Variants in GPR137C observed in about 807,000 individuals in gnomAD.
GPR137C encodes integral membrane protein GPR137C.
GPR137C carries 27 observed loss-of-function variants against 43.4 expected under a neutral mutation model. The ratio of observed to expected loss-of-function variants is 0.62; its 90% CI spans 0.46 to 0.86. The LOEUF (loss-of-function observed/expected upper bound fraction) is 0.86, where lower values mean the gene tolerates loss of function less well. GPR137C is among the 40% of genes least tolerant of loss of function. The pLI is 0.00. For missense variants in GPR137C, 522 were observed against 534.6 expected, an observed-to-expected ratio of 0.98 and a Z score of 0.23; for synonymous variants, 285 against 226.9, an observed-to-expected ratio of 1.26 and a Z score of -2.30.
chr14:52,596,215 G>A (rs1026265417), intron 1 of GPR137C, among the ~76,000 whole-genome samples: 5 of 151,536 alleles, frequency 3.3e-5, no homozygotes, highest in East Asian at 3.9e-4. Context: ...AGGGGCACCC[G>A]CCTGTATGAG....
chr14:52,558,637 G>C (rs34329312), intron 1 of GPR137C, among the ~76,000 whole-genome samples: 20,779 of 152,058 alleles, frequency 0.14, 1,497 homozygotes, highest in Non-Finnish European at 0.16. Flanking sequence ...CATGGGTTCA[G>C]AATAAAAAAT....
At chr14:52,563,045 T>C (rs2038310406) in intron 1 of GPR137C, among the ~76,000 whole-genome samples, 1 of 152,226 alleles carries the variant, frequency 6.6e-6, no homozygotes, top group Admixed American at 6.5e-5. Flanking sequence ...AGTTGTTGCC[T>C]ATGGCTCACA....
chr14:52,565,187 G>A (rs758971298), intron 1 of GPR137C, among the ~76,000 whole-genome samples: 1 of 152,140 alleles, frequency 6.6e-6, no homozygotes, highest in African/African-American at 2.4e-5. Context: ...ATAATGACGG[G>A]ATTTTCAAGT....
intron 3 of GPR137C, among the ~76,000 whole-genome samples, chr14:52,601,611 T>A (rs1305437376): frequency 1.3e-5 from 2 of 152,052 alleles, no homozygotes; most frequent in Non-Finnish European, 2.9e-5. Context: ...TCTAGTTTGC[T>A]CCTAACATTT....
At chr14:52,557,451 A>G (rs559907440) in intron 1 of GPR137C, among the ~76,000 whole-genome samples, 1 of 152,326 alleles carries the variant, frequency 6.6e-6, no homozygotes, top group East Asian at 1.9e-4. Context: ...AAATTCTACA[A>G]AATAGAAAAG....
intron 3 of GPR137C, among the ~76,000 whole-genome samples, chr14:52,628,882 T>TA (rs1204451531): frequency 6.6e-6 from 1 of 152,220 alleles, no homozygotes; most frequent in African/African-American, 2.4e-5. Context: ...ATGTTTGCGA[T>TA]ACGTATATCT....
chr14:52,603,319 TACC>T lies in GPR137C; in HGVS notation c.717+2981_717+2983del, dbSNP rs558199444. Among the ~76,000 whole-genome samples, 19 of 152,348 alleles carry T rather than the reference TACC, an allele frequency of 1.2e-4. No homozygotes were observed. The South Asian group carries it at 3.9e-3, about 32-fold the overall frequency. ...CATGTAATAGTCCATTGTATACATG[TACC>T]ACATTTTTTTATTCATTCATCTGTT... On this transcript the variant is annotated intron_variant, in intron 3 of 6. Coordinates refer to ENST00000321662, the MANE Select transcript of GPR137C (RefSeq NM_001099652.2).
intron 3 of GPR137C, among the ~76,000 whole-genome samples, chr14:52,629,909 G>A (rs545402745): frequency 1.3e-5 from 2 of 152,318 alleles, no homozygotes; most frequent in African/African-American, 4.8e-5. Context: ...CACTTATCAA[G>A]TGTGGAATTT....
intron 3 of GPR137C, among the ~76,000 whole-genome samples, chr14:52,604,429 T>C (rs527567375): frequency 6.6e-6 from 1 of 151,622 alleles, no homozygotes; most frequent in Non-Finnish European, 1.5e-5. Flanking sequence ...TTTTTGTAGA[T>C]GGTGAGAGAT....
At chr14:52,556,266 T>A (rs1448737970) in intron 1 of GPR137C, among the ~76,000 whole-genome samples, 1 of 152,162 alleles carries the variant, frequency 6.6e-6, no homozygotes, top group Non-Finnish European at 1.5e-5. Flanking sequence ...CTTTAAGGAC[T>A]TAGTTATAAA....
intron 1 of GPR137C, among the ~76,000 whole-genome samples, chr14:52,583,544 G>A (rs988398340): frequency 5.3e-5 from 8 of 152,046 alleles, no homozygotes; most frequent in East Asian, 1.9e-4. Context: ...ACCCTGTACC[G>A]ATTCTTGTCT....
At chr14:52,627,592 A>G (rs570592727) in intron 3 of GPR137C, among the ~76,000 whole-genome samples, 11 of 152,208 alleles carry the variant, frequency 7.2e-5, no homozygotes, top group Admixed American at 5.9e-4. Context: ...CACGTCTGTA[A>G]TCCCAGCACT....
chr14:52,614,373 G>A (rs1594803610), intron 3 of GPR137C, among the ~76,000 whole-genome samples: 1 of 151,880 alleles, frequency 6.6e-6, no homozygotes, highest in Non-Finnish European at 1.5e-5. Context: ...TGCCCACCTC[G>A]GCCTTCCAAA....
At chr14:52,570,803 T>C (rs1384673992) in intron 1 of GPR137C, among the ~76,000 whole-genome samples, 3 of 152,056 alleles carry the variant, frequency 2.0e-5, no homozygotes, top group African/African-American at 4.8e-5. Context: ...CCTAAATATA[T>C]ATGCACCCAA....
chr14:52,602,068 G>C lies in GPR137C; in HGVS notation c.717+1727G>C, dbSNP rs1230135249. On this transcript the variant is annotated intron_variant, in intron 3 of 6. Coordinates refer to ENST00000321662, the MANE Select transcript of GPR137C (RefSeq NM_001099652.2). Reference sequence around the variant, plus strand: ...ATGTTCAGACGTGTTCACCTATGAAGGTAGATGACATACTAGATGATTTGT... The same window carrying C: ...ATGTTCAGACGTGTTCACCTATGAACGTAGATGACATACTAGATGATTTGT... 2.0e-5 allele frequency among the ~76,000 whole-genome samples: 3 copies of C among 150,050 alleles called. No homozygotes were observed. In the East Asian group the frequency reaches 5.8e-4, roughly 29 times the overall value.
At chr14:52,610,377 C>G (rs370504240) in intron 3 of GPR137C, among the ~76,000 whole-genome samples, 3 of 152,232 alleles carry the variant, frequency 2.0e-5, no homozygotes, top group East Asian at 3.9e-4. Flanking sequence ...CTGCGGTTTC[C>G]TTTCCACGAT....
intron 3 of GPR137C, among the ~76,000 whole-genome samples, chr14:52,610,090 C>T (rs1013630538): frequency 2.6e-5 from 4 of 152,200 alleles, no homozygotes; most frequent in African/African-American, 9.6e-5. Flanking sequence ...ATTCAGGCCT[C>T]AGTCGCTTTT....
chr14:52,637,179 C>T lies in GPR137C; in HGVS notation c.*2064C>T, dbSNP rs1448322616. The T allele has an allele frequency of 1.3e-5, 2 of 152,106 alleles. No homozygotes were observed. The highest frequency in any genetic ancestry group is 6.6e-5 in the Admixed American group (1 of 15,248). 9.4% of individuals were successfully genotyped at this position (152,106 alleles called of 1,614,324 possible). A position where few individuals can be genotyped will look rare whatever the true frequency, so the allele number is the denominator to read the frequency against. Reference sequence around the variant, plus strand: ...ACTGACTAGGGTACCCAAATTCTTGCATTTGTCTCCTTATACACATCTAAC... The same window carrying T: ...ACTGACTAGGGTACCCAAATTCTTGTATTTGTCTCCTTATACACATCTAAC... On this transcript the variant is annotated 3_prime_UTR_variant, in exon 7 of 7. Coordinates refer to ENST00000321662, the MANE Select transcript of GPR137C (RefSeq NM_001099652.2).
chr14:52,570,059 T>A (rs1230208531), intron 1 of GPR137C, among the ~76,000 whole-genome samples: 3 of 152,068 alleles, frequency 2.0e-5, no homozygotes, highest in African/African-American at 7.2e-5. Flanking sequence ...TCACCAAGGT[T>A]GAAATGAAGG....
Sources: allele counts gnomAD v4.1 joint callset (sites outside exome capture counted in the v4.1 genomes callset), GRCh38; gene constraint gnomAD v4.1.1; transcripts MANE v1.5; gene names NCBI Gene and HGNC (gene_info 2026-07-23, HGNC 2026-07-21).